NAALADL2: variants seen among roughly 807,000 people sequenced by gnomAD.
NAALADL2 encodes the protein inactive N-acetylated-alpha-linked acidic dipeptidase-like protein 2.
A neutral mutation model predicts 87.2 loss-of-function variants in NAALADL2; 76 were observed. The ratio of observed to expected loss-of-function variants is 0.87; its 90% CI spans 0.72 to 1.05. The LOEUF is 1.05. Ranked by LOEUF, NAALADL2 falls within the 50% of genes least tolerant of loss-of-function variation. NAALADL2 has a pLI of 0.00. For missense variants in NAALADL2, 1,089 were observed against 945.8 expected (o/e 1.15, Z -1.99); for synonymous variants, 354 against 331.0 (o/e 1.07, Z -0.75).
chr3:174,654,197 T>A (rs1454238953), intron 2 of NAALADL2, among the ~76,000 whole-genome samples: 1 of 152,106 alleles, frequency 6.6e-6, no homozygotes, highest in Admixed American at 6.6e-5. Flanking sequence ...TGCATTATAC[T>A]CTGCTATGCT....
chr3:174,473,970 G>A (rs1221875073), intron 1 of NAALADL2, among the ~76,000 whole-genome samples: 1 of 152,114 alleles, frequency 6.6e-6, no homozygotes, highest in African/African-American at 2.4e-5. Context: ...GGTGGCAGGA[G>A]AGAGAATGAG....
intron 2 of NAALADL2, among the ~76,000 whole-genome samples, chr3:175,160,612 A>G (rs1733053191): frequency 6.6e-6 from 1 of 151,798 alleles, no homozygotes; most frequent in South Asian, 2.1e-4. Context: ...TCGGCCTCCC[A>G]AAGTGCTGGG....
intron 3 of NAALADL2, among the ~76,000 whole-genome samples, chr3:174,782,555 C>G (rs532193603): frequency 1.2e-4 from 18 of 152,002 alleles, no homozygotes; most frequent in South Asian, 8.3e-4. Context: ...GGTGGACTCA[C>G]CAAATTGAGC....
At chr3:175,209,045 T>TAGATGACACA in intron 2 of NAALADL2, among the ~76,000 whole-genome samples, 1 of 152,290 alleles carries the variant, frequency 6.6e-6, no homozygotes, top group East Asian at 1.9e-4. Flanking sequence ...AAGCAAAAGC[T>TAGATGACACA]TTGTTTAATT....
chr3:175,045,207 A>G (rs73883319), intron 1 of NAALADL2, among the ~76,000 whole-genome samples: 1 of 152,052 alleles, frequency 6.6e-6, no homozygotes, highest in Non-Finnish European at 1.5e-5. Flanking sequence ...CAGTGATATA[A>G]CTAAGTTTAA....
At chr3:175,016,408 A>T (rs1750821787) in intron 1 of NAALADL2, among the ~76,000 whole-genome samples, 1 of 151,336 alleles carries the variant, frequency 6.6e-6, no homozygotes. Context: ...TTGCTCATTG[A>T]AAAAATACTG....
At chr3:175,286,565 A>G (rs956321389) in intron 4 of NAALADL2, among the ~76,000 whole-genome samples, 1 of 152,102 alleles carries the variant, frequency 6.6e-6, no homozygotes, top group Non-Finnish European at 1.5e-5. Flanking sequence ...TTTCCACAGT[A>G]TTTGTAGAAC....
At chr3:174,521,514 A>G (rs78895393) in intron 1 of NAALADL2, among the ~76,000 whole-genome samples, 1 of 147,926 alleles carries the variant, frequency 6.8e-6, no homozygotes, top group Non-Finnish European at 1.5e-5. Flanking sequence ...CGAGGTTGCA[A>G]TGAGCCAAGA....
intron 1 of NAALADL2, among the ~76,000 whole-genome samples, chr3:174,996,028 C>T (rs1054793664): frequency 2.6e-5 from 4 of 152,046 alleles, no homozygotes; most frequent in Non-Finnish European, 5.9e-5. Context: ...CACCAGGTTA[C>T]ATAGCAAGTA....
intron 9 of NAALADL2, among the ~76,000 whole-genome samples, chr3:175,566,388 T>C (rs924604409): frequency 2.6e-5 from 4 of 152,222 alleles, no homozygotes; most frequent in Non-Finnish European, 4.4e-5. Flanking sequence ...TATAGACTTT[T>C]ATTTTTAATG....
At chr3:174,674,275 C>A (rs1009220617) in intron 2 of NAALADL2, among the ~76,000 whole-genome samples, 18 of 152,004 alleles carry the variant, frequency 1.2e-4, no homozygotes, top group Admixed American at 1.2e-3. Flanking sequence ...ATACACTGCC[C>A]ATGATCCAAA....
At chr3:174,810,845 C>T (rs6761995) in intron 3 of NAALADL2, among the ~76,000 whole-genome samples, 1,864 of 152,224 alleles carry the variant, frequency 0.012, 41 homozygotes, top group African/African-American at 0.043. Flanking sequence ...CTACTCCCCC[C>T]ATCACAGGCC....
At chr3:175,051,306 A>G (rs1755354061) in intron 1 of NAALADL2, among the ~76,000 whole-genome samples, 1 of 152,182 alleles carries the variant, frequency 6.6e-6, no homozygotes, top group African/African-American at 2.4e-5. Context: ...CCCATTTATT[A>G]TGTCAGTTTC....
At chr3:175,254,304 A>G (rs1749555708) in intron 3 of NAALADL2, among the ~76,000 whole-genome samples, 1 of 152,214 alleles carries the variant, frequency 6.6e-6, no homozygotes, top group Non-Finnish European at 1.5e-5. Flanking sequence ...TAGCAAAAAT[A>G]TAAAAATGTA....
chr3:175,748,202 G>A (rs373626556), intron 12 of NAALADL2, among the ~76,000 whole-genome samples: 9 of 151,794 alleles, frequency 5.9e-5, no homozygotes, highest in African/African-American at 1.7e-4. Flanking sequence ...TAGCGCAATC[G>A]CTCTCACATT....
At chr3:175,557,402 C>A (rs956969184) in intron 9 of NAALADL2, among the ~76,000 whole-genome samples, 9 of 152,070 alleles carry the variant, frequency 5.9e-5, no homozygotes, top group Admixed American at 5.9e-4. Context: ...TAAACACAAT[C>A]CAATTAAACT....
intron 1 of NAALADL2, among the ~76,000 whole-genome samples, chr3:174,485,847 C>G (rs573130652): frequency 2.0e-5 from 3 of 151,888 alleles, no homozygotes; most frequent in Non-Finnish European, 4.4e-5. Flanking sequence ...AGGTCGTCTT[C>G]CAGGGTTTTA....
chr3:174,581,155 G>A (rs1488215543), intron 2 of NAALADL2, among the ~76,000 whole-genome samples: 2 of 152,098 alleles, frequency 1.3e-5, no homozygotes, highest in African/African-American at 4.8e-5. Flanking sequence ...AATCAGCCAG[G>A]ATTCAATCAT....
At chr3:175,003,355 A>G (rs1237908657) in intron 1 of NAALADL2, among the ~76,000 whole-genome samples, 1 of 141,590 alleles carries the variant, frequency 7.1e-6, no homozygotes, top group African/African-American at 3.2e-5. Context: ...ATGTCTCTAC[A>G]AAAAACAACA....
Sources: allele counts gnomAD v4.1 joint callset (sites outside exome capture counted in the v4.1 genomes callset), GRCh38; gene constraint gnomAD v4.1.1; transcripts MANE v1.5; gene names NCBI Gene and HGNC (gene_info 2026-07-23, HGNC 2026-07-21).